The following AURKA variants were observed in gnomAD, a reference collection of about 807,000 sequenced individuals.
The protein encoded by AURKA is aurora kinase A.
A neutral mutation model predicts 40.9 loss-of-function variants in AURKA; 12 were observed. That is an observed-to-expected ratio of 0.29 (90% CI 0.19 to 0.48). AURKA has a LOEUF of 0.48. Ranked by LOEUF, AURKA falls within the 20% of genes least tolerant of loss-of-function variation. AURKA has a pLI of 0.99. For missense variants in AURKA, 322 were observed against 462.1 expected (o/e 0.70, Z 2.78); for synonymous variants, 170 against 164.3 (o/e 1.03, Z -0.26).
At chr20:56,376,073 A>T (rs144482061) in intron 6 of AURKA, among the ~76,000 whole-genome samples, 5 of 152,370 alleles carry the variant, frequency 3.3e-5, no homozygotes, top group African/African-American at 1.2e-4. Flanking sequence ...GAAAACAGAG[A>T]AGTAGTATAA....
At chr20:56,380,079 G>A (rs1235058317) in intron 6 of AURKA, among the ~76,000 whole-genome samples, 7 of 151,742 alleles carry the variant, frequency 4.6e-5, no homozygotes, top group Non-Finnish European at 7.4e-5. Flanking sequence ...AGAGCAGGCC[G>A]GGCACGGTGG....
rs1983872152 is a variant in AURKA at position 56,369,918 on chromosome 20, A to G, written c.*240T>C. On this transcript the variant is annotated 3_prime_UTR_variant, in exon 9 of 9. Coordinates refer to ENST00000395915, the MANE Select transcript of AURKA (RefSeq NM_198437.3). Reference sequence around the variant, plus strand: ...GGCTGCAGTCGAACCTTGCCTCCAGATTATGAACCAGTATAAGTAGCACAA... The same window carrying G: ...GGCTGCAGTCGAACCTTGCCTCCAGGTTATGAACCAGTATAAGTAGCACAA... The G allele has an allele frequency of 3.3e-6, 2 of 598,408 alleles. No individual in the cohort carries two copies. The highest frequency in any genetic ancestry group is 6.0e-6 in the Non-Finnish European group (2 of 334,254). The allele number at this position is 598,408 out of a possible 1,614,324, so 37.1% of individuals were successfully genotyped here.
At chr20:56,391,118 C>T (rs770579410) in intron 1 of AURKA, among the ~76,000 whole-genome samples, 1 of 152,224 alleles carries the variant, frequency 6.6e-6, no homozygotes, top group African/African-American at 2.4e-5. Flanking sequence ...CCATTCAGTT[C>T]AAACCAGAAG....
chr20:56,389,406 T>G (rs1307924002), intron 1 of AURKA, among the ~76,000 whole-genome samples: 1 of 152,004 alleles, frequency 6.6e-6, no homozygotes, highest in South Asian at 2.1e-4. Context: ...TCCTAACATA[T>G]CCAAAACTGA....
chr20:56,388,759 C>A (rs1986695119), intron 1 of AURKA: 1 of 162,458 alleles, frequency 6.2e-6, no homozygotes, highest in Non-Finnish European at 1.4e-5. Context: ...TTGCAGTGAG[C>A]TGAGATCACA....
chr20:56,384,613 A>C lies in AURKA; in HGVS notation c.320-289T>G, dbSNP rs914028082. ...ACTATGCAGGCTCTTCTGAAGCCTCAGTTTCCAAAGAAGAGCTTTTGTGGC... is the reference window on the plus strand; with the variant it reads ...ACTATGCAGGCTCTTCTGAAGCCTCCGTTTCCAAAGAAGAGCTTTTGTGGC... On this transcript the variant is annotated intron_variant, in intron 3 of 8. Transcript: ENST00000395915. Among the ~76,000 whole-genome samples the C allele has an allele frequency of 2.6e-5, 4 of 152,294 alleles. No homozygotes were observed. In the East Asian group the frequency reaches 7.7e-4, roughly 29 times the overall value.
Position 56,384,281 on chromosome 20 carries a change from T to C in AURKA, c.363A>G (p.Glu121=). 6.3e-7 allele frequency: 1 copy of C among 1,599,324 alleles called. No individual in the cohort carries two copies. Among genetic ancestry groups the C allele is most frequent in the Non-Finnish European group, 8.6e-7 (1 of 1,167,792 alleles). The change falls in exon 4 of 9, where the codon GAA becomes GAG. Residue 121 remains glutamate, a synonymous_variant. Coordinates refer to ENST00000395915, the MANE Select transcript of AURKA (RefSeq NM_198437.3). The part of the protein sequence containing the change: ...EEELASKQKN[E]ESKKRQWALE... ...ATAAGAAAGCTTACTTTTTTGATTCTTCATTTTTCTGTTTTGATGCCAGTT... is the reference window on the plus strand; with the variant it reads ...ATAAGAAAGCTTACTTTTTTGATTCCTCATTTTTCTGTTTTGATGCCAGTT...
chr20:56,388,560 C>T (rs1986669294), intron 1 of AURKA: 1 of 282,650 alleles, frequency 3.5e-6, no homozygotes, highest in African/African-American at 2.2e-5. Flanking sequence ...ACCTGTAATC[C>T]CAGCATTTTG....
At chr20:56,382,758 C>CAG (rs1985882211) in intron 5 of AURKA, among the ~76,000 whole-genome samples, 1 of 151,278 alleles carries the variant, frequency 6.6e-6, no homozygotes, top group Non-Finnish European at 1.5e-5. Context: ...TTTTAACATG[C>CAG]AGAGCATGGG....
rs151037771 is a variant in AURKA at position 56,388,035 on chromosome 20, T to C, written c.42+121A>G. On this transcript the variant is annotated intron_variant, in intron 2 of 8. Coordinates refer to ENST00000395915, the MANE Select transcript of AURKA (RefSeq NM_198437.3). ...ACACGAGAAAAGTGACTAATTCATA[T>C]CCAGGATCACAGTAAGGGATCTAAA... 4.5e-4 allele frequency: 51 copies of C among 114,210 alleles called. 1 individual carries two copies. The African/African-American group carries it at 6.9e-3, about 15-fold the overall frequency. The allele number at this position is 114,210 out of a possible 1,614,324, so 7.1% of individuals were successfully genotyped here. A position where few individuals can be genotyped will look rare whatever the true frequency, so the allele number is the denominator to read the frequency against.
At chr20:56,370,760 T>C (rs1267476042) in intron 7 of AURKA, 101 bp from the exon 8 acceptor site, 3 of 1,304,614 alleles carry the variant, frequency 2.3e-6, no homozygotes, top group Non-Finnish European at 3.2e-6. Context: ...GGTCTTCCCC[T>C]GGGCCAGATC....
rs553578127 is a variant in AURKA, at chr20:56,371,438, G to A, written c.855-779C>T. The stretch of plus-strand genomic sequence containing the variant: ...ATCGCACCACTGCACTCCAGCCTGG[G>A]TGACAGAGCGAGACTCTGTCTCAAA... On this transcript the variant is annotated intron_variant, in intron 7 of 8. Coordinates refer to ENST00000395915, the MANE Select transcript of AURKA (RefSeq NM_198437.3). Among the ~76,000 whole-genome samples, 247 of 150,532 alleles carry A rather than the reference G, an allele frequency of 1.6e-3. 1 individual carries two copies. Among genetic ancestry groups the A allele is most frequent in the Middle Eastern group, 0.01 (3 of 290 alleles).
At chr20:56,389,688 T>C (rs1261261314) in intron 1 of AURKA, among the ~76,000 whole-genome samples, 1 of 152,110 alleles carries the variant, frequency 6.6e-6, no homozygotes, top group Non-Finnish European at 1.5e-5. Flanking sequence ...CAAACAGAAG[T>C]CCTAATCTCT....
At chr20:56,383,387 G>A (rs1985978531) in intron 4 of AURKA, among the ~76,000 whole-genome samples, 1 of 152,230 alleles carries the variant, frequency 6.6e-6, no homozygotes, top group Non-Finnish European at 1.5e-5. Context: ...GTGAGAGTCA[G>A]TGACAAGGAG....
intron 6 of AURKA, among the ~76,000 whole-genome samples, chr20:56,378,731 A>G (rs2146169490): frequency 6.6e-6 from 1 of 152,202 alleles, no homozygotes; most frequent in Admixed American, 6.5e-5. Context: ...CATGCCTCCA[A>G]AAATACACAG....
intron 6 of AURKA, 100 bp downstream of exon 6, chr20:56,381,332 AC>A: frequency 1.4e-6 from 2 of 1,413,982 alleles, no homozygotes; most frequent in Non-Finnish European, 2.0e-6. Flanking sequence ...AGCTATCCTT[AC>A]GTCAAGACAA....
chr20:56,390,570 A>C (rs1986963374), intron 1 of AURKA: 1 of 152,004 alleles, frequency 6.6e-6, no homozygotes, highest in Non-Finnish European at 1.5e-5. Context: ...GCCTCCGAAA[A>C]TGCTGGGATT....
chr20:56,385,799 G>C (rs1986287606), intron 3 of AURKA, among the ~76,000 whole-genome samples: 1 of 151,944 alleles, frequency 6.6e-6, no homozygotes, highest in Non-Finnish European at 1.5e-5. Context: ...GTTCCCTTCT[G>C]AGTTCAAAAA....
intron 6 of AURKA, among the ~76,000 whole-genome samples, chr20:56,376,669 C>T (rs1984966452): frequency 6.6e-6 from 1 of 151,876 alleles, no homozygotes; most frequent in South Asian, 2.1e-4. Flanking sequence ...TAAGAAACGG[C>T]CCAAACTAAG....
Sources: gnomAD v4.1 joint callset for allele counts (sites outside exome capture counted in the v4.1 genomes callset) on GRCh38, gnomAD v4.1.1 for gene constraint, MANE v1.5 for transcripts, NCBI Gene and HGNC (gene_info 2026-07-23, HGNC 2026-07-21) for gene names.